TUFM: variants seen among roughly 807,000 people sequenced by gnomAD.
TUFM encodes elongation factor Tu, mitochondrial.
A neutral mutation model predicts 45.0 loss-of-function variants in TUFM; 23 were observed. The ratio of observed to expected loss-of-function variants is 0.51; its 90% confidence interval spans 0.37 to 0.72. The LOEUF (loss-of-function observed/expected upper bound fraction) is 0.72, where lower values mean the gene tolerates loss of function less well. TUFM is among the 30% of genes least tolerant of loss of function. TUFM has a pLI of 0.00. For synonymous variants in TUFM, 243 were observed against 252.9 expected (o/e 0.96, Z 0.37); for missense variants, 490 against 610.7 (o/e 0.80, Z 2.08).
Position 28,844,873 on chromosome 16 carries a change from CAGAG to C in TUFM, c.520-15_520-12del. ...ATGCTCCACCCCAATCTGTAGATGC[CAGAG>C]AGACAGGGACAATATACAGAGGGGC... is the stretch of plus-strand genomic sequence containing the variant. On this transcript the variant is annotated splice_polypyrimidine_tract_variant and intron_variant, in intron 4 of 9. Coordinates refer to ENST00000313511, the MANE Select transcript of TUFM (RefSeq NM_003321.5). This position sits in a 1 kb window ranked among gnomAD's most constrained non-coding sequence, Gnocchi z 5.8. 3 of 1,614,128 alleles carry C rather than the reference CAGAG, an allele frequency of 1.9e-6. No individual in the cohort carries two copies. The highest frequency in any genetic ancestry group is 2.5e-6 in the Non-Finnish European group (3 of 1,180,024).
intron 9 of TUFM, among the ~76,000 whole-genome samples, 190 bp downstream of exon 9, chr16:28,843,545 CT>C (rs1461906286): frequency 6.6e-6 from 1 of 152,166 alleles, no homozygotes; most frequent in Non-Finnish European, 1.5e-5. Context: ...TTAGGGCACA[CT>C]GGATGAGGAC....
chr16:28,842,877 G>C lies in TUFM; in HGVS notation c.*98C>G. ...ATGTCCATCTAGCTGCCCTCTGCTG[G>C]GTTGCAGCCTATGCCATGAGAGGGT... is the stretch of plus-strand genomic sequence containing the variant. On this transcript the variant is annotated 3_prime_UTR_variant, in exon 10 of 10. Coordinates refer to ENST00000313511, the MANE Select transcript of TUFM (RefSeq NM_003321.5). 6.7e-7 allele frequency: 1 copy of C among 1,496,552 alleles called. No homozygotes were observed. 92.7% of individuals were successfully genotyped at this position (1,496,552 alleles called of 1,614,324 possible). A position where few individuals can be genotyped will look rare whatever the true frequency, so the allele number is the denominator to read the frequency against.
chr16:28,845,540 G>A (rs777721206), intron 2 of TUFM, 60 bp from the exon 3 acceptor site: 217 of 1,605,098 alleles, frequency 1.4e-4, no homozygotes, highest in Non-Finnish European at 1.7e-4. Context: ...GCAGAGCTTA[G>A]ACCACGCCCC....
At position 28,842,995 on chromosome 16, in the gene TUFM, TCTC is replaced by T. The variant is rs745587334; in HGVS notation, c.1345_1347del (p.Glu449del). The T allele has an allele frequency of 1.4e-5, 23 of 1,614,192 alleles. No homozygotes were observed. The highest frequency in any genetic ancestry group is 2.2e-5 in the South Asian group (2 of 91,086). On this transcript the variant is annotated inframe_deletion, in exon 10 of 10. Coordinates refer to ENST00000313511, the MANE Select transcript of TUFM (RefSeq NM_003321.5). ...CACACTCAACCCCATTTGATATTCT[TCTC>T]CTCCTCAGTCATGGCCAGCGTGTTG...
chr16:28,844,846 A>C lies in TUFM; in HGVS notation c.536T>G (p.Val179Gly), dbSNP rs1961893184. ...GTCAGCCTTGTTCACATACACCACCACATGCTCCACCCCAATCTGTAGATG... is the reference window on the plus strand; with the variant it reads ...GTCAGCCTTGTTCACATACACCACCCCATGCTCCACCCCAATCTGTAGATG... ...LLARQIGVEH[V>G]VVYVNKADAV... Residue 179 changes from valine (V) to glycine (G), a missense_variant, in exon 5 of 10, where the codon GTG becomes GGG. Val to Gly is a moderately radical substitution (Grantham distance 109, BLOSUM62 -3). Transcript: ENST00000313511. This position sits in a 1 kb window ranked among gnomAD's most constrained non-coding sequence, Gnocchi z 5.8. 1 of 1,614,072 alleles carries C rather than the reference A, an allele frequency of 6.2e-7. No homozygotes were observed. Among genetic ancestry groups the C allele is most frequent in the East Asian group, 2.2e-5 (1 of 44,872 alleles).
chr16:28,845,408 C>G lies in TUFM; in HGVS notation c.320G>C (p.Arg107Pro), dbSNP rs1085307974. The change falls in exon 3 of 10, where the codon CGG becomes CCG. Residue 107 changes from arginine (R) to proline (P), a missense_variant. Physicochemically the swap from Arg to Pro is moderately radical, Grantham distance 103 (BLOSUM62 -2). Transcript: ENST00000313511. ...ATGAGCCGCATTGATGGTGATACCC[C>G]GAGCTCGCTCCTCCGGGGCATTGTC... ...EIDNAPEERA[R>P]GITINAAHVE... 4 of 1,614,024 alleles carry G rather than the reference C, an allele frequency of 2.5e-6. No individual in the cohort carries two copies. The African/African-American group carries it at 4.0e-5, about 16-fold the overall frequency.
Position 28,843,091 on chromosome 16 carries a change from T to A in TUFM, c.1252A>T (p.Ile418Phe), listed in dbSNP as rs529976762. Residue 418 changes from isoleucine (I) to phenylalanine (F), a missense_variant, in exon 10 of 10, where the codon ATC (isoleucine) becomes TTC (phenylalanine). Coordinates refer to ENST00000313511, the MANE Select transcript of TUFM (RefSeq NM_003321.5). ...KFNLILRQPMILEKGQRFTLR... is the reference protein window; with the variant it reads ...KFNLILRQPMFLEKGQRFTLR... ...GTGAAACGCTGGCCTTTCTCTAAGA[T>A]CATTGGCTGCCGCAAGATTAGGTTG... 1.9e-6 allele frequency: 3 copies of A among 1,614,186 alleles called. No individual in the cohort carries two copies. In the East Asian group the frequency reaches 6.7e-5, roughly 36 times the overall value.
In TUFM at chr16:28,844,007, C is replaced by T; in HGVS notation, c.1017G>A (p.Arg339=). Residue 339 remains arginine, a synonymous_variant, in exon 8 of 10, where the codon CGG becomes CGA. Coordinates refer to ENST00000313511, the MANE Select transcript of TUFM (RefSeq NM_003321.5). The surrounding 1 kb of genome is among the most constrained non-coding windows in gnomAD (Gnocchi z 5.8). ...AACCTGGCTTGACCATGACCAGGCCCCGCCGCAAGTCCTCCCGCTTCAAGC... is the reference window on the plus strand; with the variant it reads ...AACCTGGCTTGACCATGACCAGGCCTCGCCGCAAGTCCTCCCGCTTCAAGC... ...VRGLKREDLR[R]GLVMVKPGSI... The T allele has an allele frequency of 6.2e-7, 1 of 1,614,190 alleles. No homozygotes were observed. The highest frequency in any genetic ancestry group is 1.3e-5 in the African/African-American group (1 of 75,056).
chr16:28,843,486 C>A (rs1961852763), intron 9 of TUFM, among the ~76,000 whole-genome samples: 1 of 152,148 alleles, frequency 6.6e-6, no homozygotes, highest in Admixed American at 6.6e-5. Context: ...TCTAGGAAAT[C>A]TTTCTGTGGG....
Position 28,844,772 on chromosome 16 carries a change from C to T in TUFM, c.610G>A (p.Glu204Lys), listed in dbSNP as rs1961890403. 2 of 1,614,070 alleles carry T rather than the reference C, an allele frequency of 1.2e-6. No homozygotes were observed. Among genetic ancestry groups the T allele is most frequent in the African/African-American group, 1.3e-5 (1 of 74,914 alleles). The change falls in exon 5 of 10, where the codon GAG (glutamate) becomes AAG (lysine). Residue 204 changes from glutamate to lysine, a missense_variant. By Grantham distance (56) the Glu-to-Lys change is moderately conservative. Coordinates refer to ENST00000313511, the MANE Select transcript of TUFM (RefSeq NM_003321.5). The surrounding 1 kb of genome is among the most constrained non-coding windows in gnomAD (Gnocchi z 5.8). ...TTATAGCCAAACTCGGTGAGCAGCT[C>T]CCGGATCTCCAGTTCCACCAGTTCC... is the stretch of plus-strand genomic sequence containing the variant. ...MVELVELEIR[E>K]LLTEFGYKGE...
At chr16:28,845,214 C>A in intron 3 of TUFM, 100 bp downstream of exon 3, 3 of 1,601,874 alleles carry the variant, frequency 1.9e-6, no homozygotes, top group South Asian at 1.1e-5. Flanking sequence ...CCATCTCATA[C>A]CCAAACACTG....
At position 28,845,429 on chromosome 16, in the gene TUFM, T is replaced by C. The variant is rs373054580; in HGVS notation, c.299A>G (p.Asn100Ser). 1.5e-5 allele frequency: 25 copies of C among 1,613,976 alleles called. No homozygotes were observed. Among genetic ancestry groups the C allele is most frequent in the Admixed American group, 3.3e-5 (2 of 59,988 alleles). The change falls in exon 3 of 10, where the codon AAT (asparagine) becomes AGT (serine). Residue 100 changes from asparagine to serine, a missense_variant. Physicochemically the swap from Asn to Ser is conservative, Grantham distance 46. Coordinates refer to ENST00000313511, the MANE Select transcript of TUFM (RefSeq NM_003321.5). ...ACCCCGAGCTCGCTCCTCCGGGGCA[T>C]TGTCAATCTCCTCGTACTTCTTGAA... ...AKFKKYEEID[N>S]APEERARGIT...
rs374255934 is a variant in TUFM at position 28,844,140 on chromosome 16, C to A, written c.923-39G>T. ...GGAAAAGGAGCAGGGAGAAGGAAGG[C>A]GAATGTGAGACAGAGGGAAGGCACA... On this transcript the variant is annotated intron_variant, in intron 7 of 9. Transcript: ENST00000313511. The surrounding 1 kb of genome is among the most constrained non-coding windows in gnomAD (Gnocchi z 5.8). 4 of 1,613,900 alleles carry A rather than the reference C, an allele frequency of 2.5e-6. No homozygotes were observed. The highest frequency in any genetic ancestry group is 3.4e-6 in the Non-Finnish European group (4 of 1,179,904).
At position 28,844,333 on chromosome 16, in the gene TUFM, G is replaced by A. The variant is rs755351753; in HGVS notation, c.819C>T (p.Gly273=). The change falls in exon 7 of 10, where the codon GGC becomes GGT. Residue 273 remains glycine (G), a splice_region_variant and synonymous_variant. Transcript: ENST00000313511. This position sits in a 1 kb window ranked among gnomAD's most constrained non-coding sequence, Gnocchi z 5.8. ...LPVEAVYSVP[G]RGTVVTGTLE... ...GTGTACCTGTCACCACGGTGCCACG[G>A]CCTGGGAGGGAATAAGACAGGATAT... The A allele has an allele frequency of 6.2e-7, 1 of 1,614,166 alleles. No individual in the cohort carries two copies. The highest frequency in any genetic ancestry group is 2.2e-5 in the East Asian group (1 of 44,880).
At chr16:28,845,187 C>T in intron 3 of TUFM, 127 bp downstream of exon 3, 1 of 1,573,322 alleles carries the variant, frequency 6.4e-7, no homozygotes, top group Non-Finnish European at 8.7e-7. Flanking sequence ...TTCTGCGTGG[C>T]CAAGACCACA....
rs1265139074 is a variant in TUFM at position 28,844,649 on chromosome 16, A to G, written c.684+49T>C. On this transcript the variant is annotated intron_variant, in intron 5 of 9. Coordinates refer to ENST00000313511, the MANE Select transcript of TUFM (RefSeq NM_003321.5). The surrounding 1 kb of genome is among the most constrained non-coding windows in gnomAD (Gnocchi z 5.8). ...ACACAAAGCAGAGCTCTGGGTGCCC[A>G]TCCAGCCCCACCCTCTGCAGCAGCT... The G allele has an allele frequency of 4.3e-6, 7 of 1,613,894 alleles. No homozygotes were observed. In the Middle Eastern group the frequency reaches 4.9e-4, roughly 114 times the overall value.
At chr16:28,846,174 C>T in intron 1 of TUFM, 44 bp downstream of exon 1, 2 of 1,598,172 alleles carry the variant, frequency 1.3e-6, no homozygotes, top group South Asian at 1.1e-5. Context: ...CTACCACTCC[C>T]CCAAAGTGTT....
At chr16:28,843,253 G>A in intron 9 of TUFM, 105 bp from the exon 10 acceptor site, 1 of 1,232,570 alleles carries the variant, frequency 8.1e-7, no homozygotes, top group Non-Finnish European at 1.2e-6. Context: ...AATGCAGCAG[G>A]GGAATGGTTC....
rs373869413 is a variant in TUFM, at chr16:28,844,547, C to T, written c.689G>A (p.Arg230Gln). Residue 230 changes from arginine (R) to glutamine (Q), a missense_variant, in exon 6 of 10, where the codon CGG (arginine) becomes CAG (glutamine). Coordinates refer to ENST00000313511, the MANE Select transcript of TUFM (RefSeq NM_003321.5). The surrounding 1 kb of genome is among the most constrained non-coding windows in gnomAD (Gnocchi z 5.8). ...VGSALCALEG[R>Q]DPELGLKSVQ... ...AGACTTCAGGCCTAACTCAGGGTCCCGACCCTGTTGAGGGGAAGTGCCAGG... is the reference window on the plus strand; with the variant it reads ...AGACTTCAGGCCTAACTCAGGGTCCTGACCCTGTTGAGGGGAAGTGCCAGG... The T allele has an allele frequency of 3.8e-5, 61 of 1,613,476 alleles. No individual in the cohort carries two copies. The highest frequency in any genetic ancestry group is 4.9e-5 in the Non-Finnish European group (58 of 1,180,024).
Sources: gnomAD v4.1 joint callset for allele counts (sites outside exome capture counted in the v4.1 genomes callset) on GRCh38, gnomAD v4.1.1 for gene constraint, Gnocchi (gnomAD v3.1) non-coding constraint, MANE v1.5 for transcripts, NCBI Gene and HGNC (gene_info 2026-07-23, HGNC 2026-07-21) for gene names.